The following PTPRD variants were observed in gnomAD, a reference collection of about 807,000 sequenced individuals.
PTPRD encodes the protein protein tyrosine phosphatase receptor type D.
PTPRD carries 34 observed loss-of-function variants against 214.5 expected under a neutral mutation model. The ratio of observed to expected loss-of-function variants is 0.16; its 90% CI spans 0.12 to 0.21. PTPRD has a LOEUF of 0.21. Ranked by LOEUF, PTPRD falls within the 10% of genes least tolerant of loss-of-function variation. The pLI, the probability that PTPRD is intolerant of heterozygous loss-of-function variation, is 1.00. For synonymous variants in PTPRD, 1,128 were observed against 845.7 expected (o/e 1.33, Z -5.79); for missense variants, 2,545 against 2,398.7 (o/e 1.06, Z -1.27).
intron 9 of PTPRD, among the ~76,000 whole-genome samples, chr9:9,250,472 A>G (rs1431835711): frequency 2.6e-5 from 4 of 152,124 alleles, no homozygotes; most frequent in African/African-American, 4.8e-5. Context: ...ACCCTCTGCC[A>G]TTAATCATGT....
At chr9:9,324,559 C>A (rs201387471) in intron 9 of PTPRD, among the ~76,000 whole-genome samples, 2 of 151,898 alleles carry the variant, frequency 1.3e-5, no homozygotes, top group African/African-American at 4.8e-5. Context: ...TCTTGTAAAT[C>A]TGTTTAAGTT....
At chr9:8,758,465 G>C (rs980860494) in intron 11 of PTPRD, among the ~76,000 whole-genome samples, 1 of 152,044 alleles carries the variant, frequency 6.6e-6, no homozygotes, top group Non-Finnish European at 1.5e-5. Flanking sequence ...AAAAAGCTAT[G>C]AGTTTACAGA....
intron 14 of PTPRD, among the ~76,000 whole-genome samples, chr9:8,567,620 T>C (rs890105297): frequency 1.8e-4 from 28 of 152,196 alleles, no homozygotes; most frequent in Non-Finnish European, 2.6e-4. Flanking sequence ...ATGAATTCAG[T>C]TATATTTGCG....
At chr9:9,684,695 GTGTGTGTGTGTGTGTA>G (rs2097137505) in intron 7 of PTPRD, among the ~76,000 whole-genome samples, 1 of 149,334 alleles carries the variant, frequency 6.7e-6, no homozygotes, top group Non-Finnish European at 1.5e-5. Flanking sequence ...TACAGCATTT[GTGTGTGTGTGTGTGTA>G]TGTGTGTGTG....
At chr9:10,480,791 G>C (rs1002507003) in intron 2 of PTPRD, among the ~76,000 whole-genome samples, 6 of 152,012 alleles carry the variant, frequency 3.9e-5, no homozygotes, top group African/African-American at 1.2e-4. Flanking sequence ...TACAAGGAGA[G>C]TTAACTGTGT....
At chr9:10,151,059 CTTT>C (rs138485125) in intron 3 of PTPRD, among the ~76,000 whole-genome samples, 16 of 111,090 alleles carry the variant, frequency 1.4e-4, no homozygotes, top group African/African-American at 4.1e-4. Flanking sequence ...TTTTTGTTAA[CTTT>C]TTTTTTTTTT....
intron 14 of PTPRD, among the ~76,000 whole-genome samples, chr9:8,557,964 C>A (rs2084645763): frequency 6.6e-6 from 1 of 151,872 alleles, no homozygotes; most frequent in African/African-American, 2.4e-5. Flanking sequence ...TAAGCCACCA[C>A]TATAAATTTA....
At chr9:8,690,107 TAA>T (rs74902579) in intron 12 of PTPRD, among the ~76,000 whole-genome samples, 5,125 of 131,066 alleles carry the variant, frequency 0.039, 170 homozygotes, top group East Asian at 0.1. Context: ...GACTCCATCT[TAA>T]AAAAAAAAAA....
chr9:10,096,587 TTTG>T (rs1271766196), intron 3 of PTPRD, among the ~76,000 whole-genome samples: 1 of 151,972 alleles, frequency 6.6e-6, no homozygotes, highest in Non-Finnish European at 1.5e-5. Context: ...GATGGGGTTT[TTTG>T]TTTTTTTCTT....
chr9:10,582,730 T>G, intron 2 of PTPRD, among the ~76,000 whole-genome samples: 1 of 152,144 alleles, frequency 6.6e-6, no homozygotes, highest in East Asian at 1.9e-4. Flanking sequence ...ACAAAAAAAC[T>G]TATATTGTTA....
chr9:9,852,922 G>C (rs1447430106), intron 5 of PTPRD, among the ~76,000 whole-genome samples: 2 of 152,122 alleles, frequency 1.3e-5, no homozygotes, highest in Admixed American at 6.5e-5. Flanking sequence ...CTATACCTGA[G>C]TGAATCAGCT....
chr9:8,648,943 T>G (rs2096750762), intron 12 of PTPRD, among the ~76,000 whole-genome samples: 1 of 152,234 alleles, frequency 6.6e-6, no homozygotes, highest in African/African-American at 2.4e-5. Context: ...TGATCATCAT[T>G]AAAAATAATC....
At chr9:8,812,154 G>C (rs2096821987) in intron 11 of PTPRD, among the ~76,000 whole-genome samples, 1 of 152,126 alleles carries the variant, frequency 6.6e-6, no homozygotes, top group African/African-American at 2.4e-5. Context: ...ATGTAGAATG[G>C]CAAGATCCCC....
chr9:8,418,859 T>C (rs10977075), intron 35 of PTPRD, among the ~76,000 whole-genome samples: 10,902 of 152,100 alleles, frequency 0.072, 488 homozygotes, highest in Non-Finnish European at 0.097. Context: ...TAGAGTATAC[T>C]GGAAGAATAA....
intron 3 of PTPRD, among the ~76,000 whole-genome samples, chr9:10,300,012 A>G (rs2095811991): frequency 6.6e-6 from 1 of 152,178 alleles, no homozygotes; most frequent in African/African-American, 2.4e-5. Flanking sequence ...TATTCATTGC[A>G]CTAATAAATC....
intron 3 of PTPRD, among the ~76,000 whole-genome samples, chr9:10,136,153 C>T (rs1462491947): frequency 6.6e-6 from 1 of 151,700 alleles, no homozygotes; most frequent in East Asian, 1.9e-4. Context: ...CATTACATAA[C>T]AATAAAATAT....
intron 11 of PTPRD, among the ~76,000 whole-genome samples, chr9:8,793,472 C>T (rs2096301675): frequency 6.6e-6 from 1 of 152,070 alleles, no homozygotes. Context: ...GACTCTGAGC[C>T]AGAACTACAC....
chr9:8,882,540 A>T (rs1358792012), intron 11 of PTPRD, among the ~76,000 whole-genome samples: 1 of 152,150 alleles, frequency 6.6e-6, no homozygotes, highest in African/African-American at 2.4e-5. Context: ...CATTTGTAGC[A>T]TCTTTCTCCT....
intron 14 of PTPRD, among the ~76,000 whole-genome samples, chr9:8,632,566 T>C (rs1026038059): frequency 2.0e-5 from 3 of 151,898 alleles, no homozygotes; most frequent in Admixed American, 6.6e-5. Flanking sequence ...AGGTGCCTAA[T>C]TGGGAATGTT....
Sources: gnomAD v4.1 joint callset for allele counts (sites outside exome capture counted in the v4.1 genomes callset) on GRCh38, gnomAD v4.1.1 for gene constraint, MANE v1.5 for transcripts, NCBI Gene and HGNC (gene_info 2026-07-23, HGNC 2026-07-21) for gene names.